The following ACOXL variants were observed in gnomAD, a reference collection of about 807,000 sequenced individuals.
ACOXL encodes the protein acyl-CoA oxidase like.
ACOXL carries 70 observed loss-of-function variants against 71.9 expected under a neutral mutation model. That is an observed-to-expected ratio of 0.97 (90% CI 0.80 to 1.19). The LOEUF is 1.19. Among genes scored for constraint, ACOXL ranks in the 50% most tolerant of loss-of-function variants. The pLI is 0.00. For missense variants in ACOXL, 703 were observed against 736.3 expected, an observed-to-expected ratio of 0.95 and a Z score of 0.52; for synonymous variants, 253 against 281.6, an observed-to-expected ratio of 0.90 and a Z score of 1.02.
chr2:110,896,258 T>C (rs192310035), intron 10 of ACOXL, among the ~76,000 whole-genome samples: 1 of 152,110 alleles, frequency 6.6e-6, no homozygotes, highest in East Asian at 1.9e-4. Flanking sequence ...ACAAACACTA[T>C]AGGTGCATCA....
At chr2:111,039,659 T>C (rs1046718378) in intron 15 of ACOXL, among the ~76,000 whole-genome samples, 2 of 152,244 alleles carry the variant, frequency 1.3e-5, no homozygotes, top group African/African-American at 4.8e-5. Flanking sequence ...CCCCTATCTC[T>C]TGTGATTCTT....
intron 10 of ACOXL, among the ~76,000 whole-genome samples, chr2:110,877,328 AGCT>A (rs1696053347): frequency 6.6e-6 from 1 of 152,196 alleles, no homozygotes; most frequent in African/African-American, 2.4e-5. Context: ...TCTTGATGCA[AGCT>A]GCCCTTGACT....
At chr2:110,920,186 G>T (rs1301430637) in intron 11 of ACOXL, among the ~76,000 whole-genome samples, 1 of 152,180 alleles carries the variant, frequency 6.6e-6, no homozygotes, top group Non-Finnish European at 1.5e-5. Flanking sequence ...TTTCATCAGT[G>T]ATGTATAAGG....
intron 15 of ACOXL, among the ~76,000 whole-genome samples, chr2:111,047,275 G>A (rs917534264): frequency 6.6e-5 from 10 of 152,220 alleles, no homozygotes; most frequent in African/African-American, 2.4e-4. Context: ...CCAGTGCACA[G>A]GCAGTGAGAA....
At chr2:110,907,579 G>A (rs1057195033) in intron 10 of ACOXL, among the ~76,000 whole-genome samples, 6 of 152,088 alleles carry the variant, frequency 3.9e-5, no homozygotes, top group African/African-American at 1.4e-4. Flanking sequence ...TGAAGGGCGG[G>A]TTGGGGTGGT....
chr2:111,043,579 C>T (rs1395109490), intron 15 of ACOXL, among the ~76,000 whole-genome samples: 1 of 152,088 alleles, frequency 6.6e-6, no homozygotes. Flanking sequence ...GAGAAGGAGT[C>T]ATCGATAAGG....
intron 14 of ACOXL, among the ~76,000 whole-genome samples, chr2:111,024,984 CAT>C (rs1252536127): frequency 6.6e-6 from 1 of 151,652 alleles, no homozygotes; most frequent in African/African-American, 2.4e-5. Flanking sequence ...TTGACAAATG[CAT>C]ATGTCATATA....
chr2:110,939,990 AG>A, intron 12 of ACOXL, among the ~76,000 whole-genome samples: 1 of 152,354 alleles, frequency 6.6e-6, no homozygotes, highest in East Asian at 1.9e-4. Flanking sequence ...ATTAGTTTCT[AG>A]ACCAGTGGTT....
intron 10 of ACOXL, among the ~76,000 whole-genome samples, chr2:110,864,710 T>C (rs1190840098): frequency 1.3e-5 from 2 of 152,240 alleles, no homozygotes; most frequent in East Asian, 3.8e-4. Context: ...GCCTTGCCTG[T>C]GTTTTTGGGG....
At chr2:110,878,096 A>G (rs771477926) in intron 10 of ACOXL, among the ~76,000 whole-genome samples, 5 of 152,246 alleles carry the variant, frequency 3.3e-5, no homozygotes, top group Non-Finnish European at 7.3e-5. Context: ...TGAAAATCAC[A>G]GGCCTTTCCT....
chr2:111,044,938 A>G (rs1288590224), intron 15 of ACOXL, among the ~76,000 whole-genome samples: 1 of 151,994 alleles, frequency 6.6e-6, no homozygotes, highest in East Asian at 1.9e-4. Context: ...TTGATCCCCA[A>G]CCTCAAAGCC....
At chr2:110,917,047 A>T (rs556600121) in intron 11 of ACOXL, among the ~76,000 whole-genome samples, 4 of 152,266 alleles carry the variant, frequency 2.6e-5, no homozygotes, top group African/African-American at 7.2e-5. Flanking sequence ...ATCCTCCCTA[A>T]CTCATTTTAT....
intron 15 of ACOXL, 99 bp downstream of exon 15, chr2:111,031,813 A>T: frequency 8.2e-7 from 1 of 1,213,934 alleles, no homozygotes; most frequent in Non-Finnish European, 1.2e-6. Context: ...CCCAACACAC[A>T]GGGAAGGGAC....
intron 10 of ACOXL, among the ~76,000 whole-genome samples, chr2:110,867,729 G>A (rs1006014946): frequency 1.3e-5 from 2 of 152,082 alleles, no homozygotes; most frequent in African/African-American, 4.8e-5. Flanking sequence ...ACCTTTTGGT[G>A]TGTAGCAAAA....
chr2:110,828,520 A>G (rs779226895), intron 9 of ACOXL, among the ~76,000 whole-genome samples: 1 of 152,226 alleles, frequency 6.6e-6, no homozygotes, highest in Non-Finnish European at 1.5e-5. Context: ...GACAATCGCC[A>G]GGCTGTTTTT....
At chr2:110,792,296 G>C (rs759170122) in intron 3 of ACOXL, among the ~76,000 whole-genome samples, 2 of 152,154 alleles carry the variant, frequency 1.3e-5, no homozygotes, top group Non-Finnish European at 2.9e-5. Context: ...AGCTAGGAGG[G>C]GGAAGGAACT....
At chr2:110,874,720 C>G (rs1695686539) in intron 10 of ACOXL, among the ~76,000 whole-genome samples, 1 of 152,202 alleles carries the variant, frequency 6.6e-6, no homozygotes, top group Admixed American at 6.5e-5. Flanking sequence ...CAGAGCAGAG[C>G]TCACGGTGGA....
chr2:110,890,185 C>T (rs577315157), intron 10 of ACOXL, among the ~76,000 whole-genome samples: 2 of 152,196 alleles, frequency 1.3e-5, no homozygotes, highest in South Asian at 4.1e-4. Flanking sequence ...TGGATGAGTT[C>T]TTTATATATT....
intron 8 of ACOXL, among the ~76,000 whole-genome samples, chr2:110,802,460 A>G (rs1280209691): frequency 6.6e-6 from 1 of 152,252 alleles, no homozygotes; most frequent in Non-Finnish European, 1.5e-5. Context: ...ATCAGGGTAC[A>G]CACAACCAGC....
Sources: gnomAD v4.1 joint callset for allele counts (sites outside exome capture counted in the v4.1 genomes callset) on GRCh38, gnomAD v4.1.1 for gene constraint, MANE v1.5 for transcripts, NCBI Gene and HGNC (gene_info 2026-07-23, HGNC 2026-07-21) for gene names.